The following SLC39A12 variants were observed in gnomAD, a reference collection of about 807,000 sequenced individuals.
SLC39A12 encodes the protein zinc transporter ZIP12.
Under a neutral mutation model 71.1 loss-of-function variants are expected in SLC39A12, and 63 were observed. That is an observed-to-expected ratio of 0.89 (90% CI 0.72 to 1.09). The LOEUF is 1.09. SLC39A12 is among the 50% of genes least tolerant of loss of function. The probability of loss-of-function intolerance (pLI) is 0.00; values close to 1 mark genes in which losing one functional copy is unlikely to be tolerated. For missense variants in SLC39A12, 892 were observed against 812.6 expected (o/e 1.10, Z -1.19); for synonymous variants, 351 against 301.3 (o/e 1.16, Z -1.71).
At chr10:17,980,946 T>G (rs943329) in intron 5 of SLC39A12, among the ~76,000 whole-genome samples, 69,200 of 152,026 alleles carry the variant, frequency 0.46, 16,306 homozygotes, top group East Asian at 0.62. Flanking sequence ...TGAAGTCTTT[T>G]TTAACACAAA....
At chr10:18,001,894 G>T (rs1445940643) in intron 11 of SLC39A12, 1 of 148,890 alleles carries the variant, frequency 6.7e-6, no homozygotes, top group Non-Finnish European at 1.5e-5. Context: ...TCGTCCTGTT[G>T]TGCTATCAAA....
At chr10:17,984,424 T>C (rs1222772175) in intron 6 of SLC39A12, among the ~76,000 whole-genome samples, 2 of 152,250 alleles carry the variant, frequency 1.3e-5, no homozygotes, top group Non-Finnish European at 2.9e-5. Flanking sequence ...CCCTGATTTG[T>C]CATTGTGCTT....
chr10:17,981,107 G>A lies in SLC39A12; in HGVS notation c.925-205G>A, dbSNP rs182567016. On this transcript the variant is annotated intron_variant, in intron 5 of 12. Transcript: ENST00000377369. Reference sequence around the variant, plus strand: ...TAAATAAGGCTCAGAATGAAAATGAGGTATTGCAGGCTTTGGTCAGAGATT... The same window carrying A: ...TAAATAAGGCTCAGAATGAAAATGAAGTATTGCAGGCTTTGGTCAGAGATT... Among the ~76,000 whole-genome samples, 68 of 152,238 alleles carry A rather than the reference G, an allele frequency of 4.5e-4. 1 individual carries two copies. Among genetic ancestry groups the A allele is most frequent in the African/African-American group, 1.2e-3 (51 of 41,540 alleles).
intron 4 of SLC39A12, among the ~76,000 whole-genome samples, chr10:17,969,439 C>T (rs191250682): frequency 1.6e-4 from 24 of 152,270 alleles, no homozygotes; most frequent in African/African-American, 5.8e-4. Flanking sequence ...TCTCCATATC[C>T]TTGCCAGTAC....
chr10:18,040,955 G>A (rs1001547953), intron 12 of SLC39A12, among the ~76,000 whole-genome samples: 1 of 152,034 alleles, frequency 6.6e-6, no homozygotes, highest in Non-Finnish European at 1.5e-5. Flanking sequence ...AGACACAGCT[G>A]ACATCTAGTA....
intron 12 of SLC39A12, among the ~76,000 whole-genome samples, chr10:18,024,825 C>T (rs1026773243): frequency 6.6e-6 from 1 of 152,126 alleles, no homozygotes; most frequent in Non-Finnish European, 1.5e-5. Flanking sequence ...TTATGTTTTC[C>T]TGGAGTATTA....
At position 17,961,805 on chromosome 10, in the gene SLC39A12, T is replaced by C. The variant is rs372299361; in HGVS notation, c.486T>C (p.Asn162=). 164 of 1,614,042 alleles carry C rather than the reference T, an allele frequency of 1.0e-4. No individual in the cohort carries two copies. The highest frequency in any genetic ancestry group is 1.3e-4 in the Non-Finnish European group (158 of 1,180,020). Residue 162 remains asparagine (N), a synonymous_variant, in exon 3 of 13, where the codon AAT becomes AAC. Coordinates refer to ENST00000377369, the MANE Select transcript of SLC39A12 (RefSeq NM_001145195.2). ...AAGATTCCTCTTTCCTTTCACAGAA[T>C]GAGACAGAAGATATCTTGGCTTTCA... ...QDEDSSFLSQ[N]ETEDILAFTR...
rs752766411 is a variant in SLC39A12, at chr10:17,987,623, G to T, written c.1241G>T (p.Gly414Val). The T allele has an allele frequency of 6.2e-7, 1 of 1,614,114 alleles. No homozygotes were observed. Among genetic ancestry groups the T allele is most frequent in the Non-Finnish European group, 8.5e-7 (1 of 1,180,022 alleles). ...GGCTTGGCCGTCGGGACACTGTCTG[G>T]GGACGCTCTGCTCCACCTTATCCCT... is the stretch of plus-strand genomic sequence containing the variant. ...FVGLAVGTLS[G>V]DALLHLIPQV... is the part of the protein sequence containing the mutation. Residue 414 changes from glycine to valine, a missense_variant, in exon 7 of 13, where the codon GGG becomes GTG. Physicochemically the swap from Gly to Val is moderately radical, Grantham distance 109 (BLOSUM62 -3). Transcript: ENST00000377369.
chr10:18,041,903 A>G (rs538865122), intron 12 of SLC39A12, among the ~76,000 whole-genome samples: 2 of 148,124 alleles, frequency 1.4e-5, no homozygotes, highest in East Asian at 2.1e-4. Flanking sequence ...ATGTATATGT[A>G]TATATGTATA....
intron 10 of SLC39A12, 33 bp downstream of exon 10, chr10:17,995,755 G>A (rs751718832): frequency 3.2e-6 from 5 of 1,579,234 alleles, no homozygotes; most frequent in Non-Finnish European, 4.3e-6. Context: ...CATGTGGAAA[G>A]TGCCATAGAA....
At chr10:18,035,479 G>C (rs945277414) in intron 12 of SLC39A12, among the ~76,000 whole-genome samples, 2 of 145,682 alleles carry the variant, frequency 1.4e-5, no homozygotes, top group African/African-American at 2.6e-5. Context: ...TAGTTCTCGA[G>C]CCTTGGTTTT....
chr10:17,976,273 A>G (rs753158564), intron 4 of SLC39A12, among the ~76,000 whole-genome samples: 1 of 152,020 alleles, frequency 6.6e-6, no homozygotes, highest in Non-Finnish European at 1.5e-5. Flanking sequence ...TTTTTTCTGT[A>G]GCTCTTTGAA....
chr10:18,039,008 A>G (rs573126556), intron 12 of SLC39A12, among the ~76,000 whole-genome samples: 2 of 152,340 alleles, frequency 1.3e-5, no homozygotes, highest in South Asian at 4.1e-4. Context: ...ATTTTTCTCC[A>G]TAATAGTCCA....
intron 12 of SLC39A12, among the ~76,000 whole-genome samples, chr10:18,028,662 G>T (rs936467520): frequency 6.6e-6 from 1 of 152,116 alleles, no homozygotes; most frequent in African/African-American, 2.4e-5. Flanking sequence ...TTATTTTAAA[G>T]CTTCGACTTG....
intron 4 of SLC39A12, among the ~76,000 whole-genome samples, chr10:17,971,651 C>G (rs1589224912): frequency 6.6e-6 from 1 of 151,986 alleles, no homozygotes; most frequent in Non-Finnish European, 1.5e-5. Flanking sequence ...CATTAATGAT[C>G]TTTTGAATTT....
At chr10:17,969,194 A>T (rs750892274) in intron 4 of SLC39A12, among the ~76,000 whole-genome samples, 1 of 152,180 alleles carries the variant, frequency 6.6e-6, no homozygotes, top group Non-Finnish European at 1.5e-5. Context: ...TCATCCATTG[A>T]TAGACACTTA....
intron 11 of SLC39A12, 156 bp from the exon 12 acceptor site, chr10:18,003,015 G>C (rs1835879517): frequency 1.6e-6 from 1 of 614,012 alleles, no homozygotes; most frequent in Non-Finnish European, 2.8e-6. Flanking sequence ...ATGAATTCTA[G>C]AGAAATATAG....
intron 2 of SLC39A12, among the ~76,000 whole-genome samples, chr10:17,960,069 A>C (rs1834648301): frequency 1.3e-5 from 2 of 152,208 alleles, no homozygotes; most frequent in South Asian, 2.1e-4. Context: ...AAGAGTAATA[A>C]ATTGTGGGGA....
chr10:18,034,567 A>G (rs1165474324), intron 12 of SLC39A12, among the ~76,000 whole-genome samples: 4 of 150,816 alleles, frequency 2.7e-5, no homozygotes, highest in Non-Finnish European at 5.9e-5. Context: ...GGTTTCCTGA[A>G]TACAGCACAC....
Sources: gnomAD v4.1 joint callset for allele counts (sites outside exome capture counted in the v4.1 genomes callset) on GRCh38, gnomAD v4.1.1 for gene constraint, MANE v1.5 for transcripts, NCBI Gene and HGNC (gene_info 2026-07-23, HGNC 2026-07-21) for gene names.